The following FREM1 variants were observed in gnomAD, a reference collection of about 807,000 sequenced individuals.
FREM1 encodes FRAS1 related extracellular matrix 1.
In FREM1, 220 loss-of-function variants were observed where a neutral mutation model predicts 210.1. The observed-to-expected ratio is 1.05, with a 90% CI of 0.94 to 1.17. The LOEUF is 1.17. Ranked by LOEUF, FREM1 falls within the 50% of genes most tolerant of loss-of-function variation. FREM1 has a pLI of 0.00. For synonymous variants in FREM1, 1,189 were observed against 980.2 expected (o/e 1.21, Z -3.98); for missense variants, 3,454 against 2,675.5 (o/e 1.29, Z -6.42).
chr9:14,870,641 TTTTTA>T (rs1358453068), intron 1 of FREM1, among the ~76,000 whole-genome samples: 2 of 152,090 alleles, frequency 1.3e-5, no homozygotes, highest in Admixed American at 6.5e-5. Context: ...TGGTTTCTTT[TTTTTA>T]TTTTAATTCA....
intron 20 of FREM1, among the ~76,000 whole-genome samples, chr9:14,798,133 C>G (rs1852793091): frequency 6.6e-6 from 1 of 152,028 alleles, no homozygotes; most frequent in East Asian, 1.9e-4. Flanking sequence ...AAATTGGAAG[C>G]CTAACATTTC....
intron 24 of FREM1, among the ~76,000 whole-genome samples, chr9:14,776,907 C>A (rs1848689034): frequency 6.6e-6 from 1 of 152,214 alleles, no homozygotes; most frequent in Non-Finnish European, 1.5e-5. Context: ...TCTGCACTTT[C>A]TCCCCCTATA....
chr9:14,895,151 A>C (rs1837486649), intron 1 of FREM1, among the ~76,000 whole-genome samples: 1 of 152,236 alleles, frequency 6.6e-6, no homozygotes, highest in Non-Finnish European at 1.5e-5. Flanking sequence ...AGCTTTAAAA[A>C]AGTCTTATTT....
At chr9:14,789,528 A>G (rs2132984143) in intron 22 of FREM1, among the ~76,000 whole-genome samples, 1 of 152,262 alleles carries the variant, frequency 6.6e-6, no homozygotes, top group Non-Finnish European at 1.5e-5. Context: ...AACTAGTCAA[A>G]TATACTTTTT....
At chr9:14,762,755 A>ATTTTTTTTT (rs34136678) in intron 27 of FREM1, among the ~76,000 whole-genome samples, 3 of 137,924 alleles carry the variant, frequency 2.2e-5, no homozygotes, top group Non-Finnish European at 3.1e-5. Context: ...TTTGAATGTG[A>ATTTTTTTTT]TTTTTTTTTT....
At chr9:14,851,035 A>ATCCTT (rs1827638472) in intron 6 of FREM1, among the ~76,000 whole-genome samples, 1 of 152,196 alleles carries the variant, frequency 6.6e-6, no homozygotes, top group Non-Finnish European at 1.5e-5. Context: ...GGTGGGCATG[A>ATCCTT]GCTGAGTGGC....
chr9:14,908,627 T>A (rs1818209854), intron 1 of FREM1, among the ~76,000 whole-genome samples: 1 of 152,234 alleles, frequency 6.6e-6, no homozygotes, highest in Admixed American at 6.5e-5. Flanking sequence ...AAAACCATGT[T>A]GCACATTAAG....
chr9:14,894,071 A>G (rs1384930260), intron 1 of FREM1, among the ~76,000 whole-genome samples: 1 of 152,234 alleles, frequency 6.6e-6, no homozygotes, highest in Non-Finnish European at 1.5e-5. Flanking sequence ...GGTTTTATTA[A>G]GAATTGGATT....
chr9:14,890,534 G>A (rs959733102), intron 1 of FREM1, among the ~76,000 whole-genome samples: 6 of 152,180 alleles, frequency 3.9e-5, no homozygotes, highest in African/African-American at 1.4e-4. Context: ...TATGGAAAAC[G>A]TTTTTTGTTC....
At position 14,807,930 on chromosome 9, in the gene FREM1, A is replaced by G; in HGVS notation, c.3088+10T>C. On this transcript the variant is annotated intron_variant, in intron 17 of 36. Transcript: ENST00000380880. ...GACAATAGTACTGGAACAAAAAAAC[A>G]CATTGTCACCTATTGCAATGGAAGG... 6.2e-7 allele frequency: 1 copy of G among 1,600,832 alleles called. No individual in the cohort carries two copies. The highest frequency in any genetic ancestry group is 8.6e-7 in the Non-Finnish European group (1 of 1,168,934).
intron 20 of FREM1, 112 bp from the exon 21 acceptor site, chr9:14,797,754 A>G: frequency 1.2e-6 from 1 of 858,648 alleles, no homozygotes; most frequent in Non-Finnish European, 1.9e-6. Context: ...GAGTTCATTT[A>G]TCAGTGCAGT....
At chr9:14,888,917 G>C (rs1836290525) in intron 1 of FREM1, among the ~76,000 whole-genome samples, 1 of 151,786 alleles carries the variant, frequency 6.6e-6, no homozygotes, top group South Asian at 2.1e-4. Context: ...GAAACATATA[G>C]AAAAAAAATA....
intron 10 of FREM1, among the ~76,000 whole-genome samples, chr9:14,839,837 C>A (rs1387730761): frequency 6.6e-6 from 1 of 152,160 alleles, no homozygotes; most frequent in Non-Finnish European, 1.5e-5. Context: ...TGGATAGATA[C>A]ACAGAAGACT....
chr9:14,776,832 C>G (rs1013061954), intron 24 of FREM1, among the ~76,000 whole-genome samples: 1 of 152,174 alleles, frequency 6.6e-6, no homozygotes. Flanking sequence ...ACCAGAAGAT[C>G]ATTAAGTACC....
chr9:14,759,725 G>C (rs1347840768), intron 28 of FREM1, 47 bp downstream of exon 28: 1 of 1,477,486 alleles, frequency 6.8e-7, no homozygotes, highest in Admixed American at 2.2e-5. Context: ...AGACACCAAA[G>C]AACAACATAA....
At chr9:14,811,874 C>T (rs577492670) in intron 16 of FREM1, among the ~76,000 whole-genome samples, 3 of 152,174 alleles carry the variant, frequency 2.0e-5, no homozygotes, top group African/African-American at 7.2e-5. Flanking sequence ...GCCTTACATA[C>T]TTGATCATAC....
chr9:14,769,567 G>C (rs1259053809), intron 27 of FREM1, among the ~76,000 whole-genome samples, 157 bp downstream of exon 27: 1 of 152,102 alleles, frequency 6.6e-6, no homozygotes, highest in Non-Finnish European at 1.5e-5. Flanking sequence ...GTAATAAAAA[G>C]AAAATTCATT....
At chr9:14,867,475 G>A (rs1425432075) in intron 2 of FREM1, among the ~76,000 whole-genome samples, 7 of 152,234 alleles carry the variant, frequency 4.6e-5, no homozygotes, top group East Asian at 1.9e-4. Context: ...AATCTTACAA[G>A]CAACTAGGCA....
intron 7 of FREM1, among the ~76,000 whole-genome samples, chr9:14,846,955 C>A (rs1022772153): frequency 6.6e-6 from 1 of 152,182 alleles, no homozygotes; most frequent in African/African-American, 2.4e-5. Context: ...ACCTCCACTG[C>A]CCTCTAGTGG....
Sources: allele counts gnomAD v4.1 joint callset (sites outside exome capture counted in the v4.1 genomes callset), GRCh38; gene constraint gnomAD v4.1.1; transcripts MANE v1.5; gene names NCBI Gene and HGNC (gene_info 2026-07-23, HGNC 2026-07-21).